OXCT1: variants seen among roughly 807,000 people sequenced by gnomAD.
The protein encoded by OXCT1 is succinyl-CoA:3-ketoacid coenzyme A transferase 1, mitochondrial.
OXCT1 carries 27 observed loss-of-function variants against 69.6 expected under a neutral mutation model. The ratio of observed to expected loss-of-function variants is 0.39; its 90% confidence interval spans 0.29 to 0.54. The LOEUF (loss-of-function observed/expected upper bound fraction) is 0.54. Among genes scored for constraint, OXCT1 ranks in the 20% least tolerant of loss-of-function variants. The probability of loss-of-function intolerance (pLI) is 0.72; values close to 1 mark genes in which losing one functional copy is unlikely to be tolerated. For missense variants in OXCT1, 437 were observed against 650.2 expected (o/e 0.67, Z 3.57); for synonymous variants, 202 against 217.8 (o/e 0.93, Z 0.64).
intron 1 of OXCT1, among the ~76,000 whole-genome samples, chr5:41,863,376 C>G (rs1749829367): frequency 1.3e-5 from 2 of 152,078 alleles, no homozygotes; most frequent in African/African-American, 4.8e-5. Flanking sequence ...TAACCATAGT[C>G]GCCATGGTGT....
rs1305997104 is a variant in OXCT1 at position 41,870,026 on chromosome 5, A to T, written c.78+255T>A. 1.9e-6 allele frequency: 1 copy of T among 525,090 alleles called. No homozygotes were observed. Among genetic ancestry groups the T allele is most frequent in the East Asian group, 3.4e-5 (1 of 29,496 alleles). The allele number at this position is 525,090 out of a possible 1,614,324, so 32.5% of individuals were successfully genotyped here. A position where few individuals can be genotyped will look rare whatever the true frequency, so the allele number is the denominator to read the frequency against. On this transcript the variant is annotated intron_variant, in intron 1 of 16. Coordinates refer to ENST00000196371, the MANE Select transcript of OXCT1 (RefSeq NM_000436.4). The surrounding 1 kb of genome is among the most constrained non-coding windows in gnomAD (Gnocchi z 4.2). ...GCCAGGAGTCCTCCCGCCCCTTCTC[A>T]GCCTCTCCGCGCGCTTCTTTATCGC... is the stretch of plus-strand genomic sequence containing the variant.
chr5:41,850,165 C>T lies in OXCT1; in HGVS notation c.429G>A (p.Glu143=). ...CTCCAGCCCCGCCTGCACGGATCCT[C>T]TCTGCAAGTGTGCCCTGCAAGTGAG... The part of the protein sequence containing the change: ...VELTPQGTLA[E]RIRAGGAGVP... Residue 143 remains glutamate (E), a synonymous_variant, in exon 5 of 17, where the codon GAG becomes GAA. Coordinates refer to ENST00000196371, the MANE Select transcript of OXCT1 (RefSeq NM_000436.4). 6.2e-7 allele frequency: 1 copy of T among 1,613,642 alleles called. No individual in the cohort carries two copies.
intron 7 of OXCT1, among the ~76,000 whole-genome samples, chr5:41,831,371 C>T (rs567176811): frequency 2.6e-5 from 4 of 152,220 alleles, no homozygotes; most frequent in South Asian, 2.1e-4. Flanking sequence ...GTCATCTCAC[C>T]GAGGCCTTTC....
At chr5:41,818,393 G>C (rs550564062) in intron 7 of OXCT1, among the ~76,000 whole-genome samples, 5 of 152,274 alleles carry the variant, frequency 3.3e-5, no homozygotes, top group African/African-American at 1.2e-4. Flanking sequence ...GGGTACACAG[G>C]AAATAAAAGC....
At chr5:41,848,393 A>C (rs1311653988) in intron 5 of OXCT1, among the ~76,000 whole-genome samples, 2 of 148,870 alleles carry the variant, frequency 1.3e-5, no homozygotes, top group Non-Finnish European at 3.0e-5. Context: ...ATCCCCATCA[A>C]GCTACCAATG....
chr5:41,843,516 T>C, intron 5 of OXCT1: 2 of 456,102 alleles, frequency 4.4e-6, no homozygotes, highest in South Asian at 1.5e-5. Flanking sequence ...TTTATGTTTA[T>C]TGCCTTTTAA....
At chr5:41,742,487 AT>A in intron 15 of OXCT1, among the ~76,000 whole-genome samples, 1 of 152,212 alleles carries the variant, frequency 6.6e-6, no homozygotes, top group African/African-American at 2.4e-5. Context: ...ATTTTACTTT[AT>A]TTTTTTATTA....
chr5:41,782,046 G>A (rs1271223088), intron 13 of OXCT1, among the ~76,000 whole-genome samples: 2 of 149,906 alleles, frequency 1.3e-5, no homozygotes, highest in Non-Finnish European at 3.0e-5. Context: ...TTCCAAAATG[G>A]TTGAATTAAT....
intron 4 of OXCT1, among the ~76,000 whole-genome samples, chr5:41,853,030 C>T (rs979622304): frequency 5.3e-5 from 8 of 151,836 alleles, no homozygotes; most frequent in African/African-American, 9.7e-5. Flanking sequence ...GAGATCACAC[C>T]GCCGCACTCC....
At chr5:41,814,641 C>T (rs13155013) in intron 7 of OXCT1, among the ~76,000 whole-genome samples, 27,847 of 147,522 alleles carry the variant, frequency 0.19, 2,754 homozygotes, top group Middle Eastern at 0.3. Context: ...AACCAAACAC[C>T]GCATATTCTC....
At chr5:41,799,867 T>A (rs1161529431) in intron 11 of OXCT1, among the ~76,000 whole-genome samples, 2 of 152,226 alleles carry the variant, frequency 1.3e-5, no homozygotes, top group African/African-American at 2.4e-5. Context: ...CAATTTTACT[T>A]GGCAGCTGGC....
chr5:41,868,968 G>T (rs1750140968), intron 1 of OXCT1, among the ~76,000 whole-genome samples: 1 of 152,190 alleles, frequency 6.6e-6, no homozygotes, highest in Admixed American at 6.5e-5. Context: ...TTACAGTTGG[G>T]CAAATCAGTA....
chr5:41,855,500 T>C (rs1749387596), intron 3 of OXCT1, among the ~76,000 whole-genome samples: 1 of 152,216 alleles, frequency 6.6e-6, no homozygotes, highest in Non-Finnish European at 1.5e-5. Flanking sequence ...GAAGTTTTTA[T>C]TTACAATCTC....
In OXCT1 at chr5:41,762,042, G is replaced by A. The variant is rs1303837590; in HGVS notation, c.1338+69C>T. 7.1e-6 allele frequency: 7 copies of A among 986,766 alleles called. No individual in the cohort carries two copies. In the East Asian group the frequency reaches 7.1e-5, roughly 10 times the overall value. 61.1% of individuals were successfully genotyped at this position (986,766 alleles called of 1,614,324 possible). On this transcript the variant is annotated intron_variant, in intron 14 of 16. Transcript: ENST00000196371. This position sits in a 1 kb window ranked among gnomAD's most constrained non-coding sequence, Gnocchi z 4.0. ...ATAAAATCCACAGTTAGGTGACCTG[G>A]TGGTACACTGGGTTTTGATGTATTG...
intron 7 of OXCT1, among the ~76,000 whole-genome samples, chr5:41,817,860 G>A (rs1014033495): frequency 1.3e-5 from 2 of 152,220 alleles, no homozygotes; most frequent in Non-Finnish European, 2.9e-5. Context: ...ACAGTAATAA[G>A]GAAGGCAGTT....
At position 41,747,689 on chromosome 5, in the gene OXCT1, G is replaced by A. The variant is rs1743564767; in HGVS notation, c.1419+1838C>T. Among the ~76,000 whole-genome samples the A allele has an allele frequency of 1.3e-5, 2 of 152,110 alleles. 1 individual carries two copies. The highest frequency in any genetic ancestry group is 4.1e-4 in the South Asian group (2 of 4,824). On this transcript the variant is annotated intron_variant, in intron 15 of 16. Transcript: ENST00000196371. Reference sequence around the variant, plus strand: ...AAGTCTCAAAAGAACATGGTCCAGGGAAGAATGGAATGTAGTTCACAGCAT... The same window carrying A: ...AAGTCTCAAAAGAACATGGTCCAGGAAAGAATGGAATGTAGTTCACAGCAT...
intron 3 of OXCT1, chr5:41,853,814 C>A (rs1002099376): frequency 1.9e-6 from 1 of 534,658 alleles, no homozygotes; most frequent in Non-Finnish European, 3.4e-6. Flanking sequence ...AGGTCTTGGG[C>A]AGTAAGGGAC....
At chr5:41,867,812 A>T (rs1750067745) in intron 1 of OXCT1, among the ~76,000 whole-genome samples, 1 of 152,248 alleles carries the variant, frequency 6.6e-6, no homozygotes, top group Admixed American at 6.5e-5. Flanking sequence ...GTAAAGTGTT[A>T]GTGGTACTCT....
chr5:41,750,135 G>GTTTTTTTTTTTTTTTTTTTTTTTTGTTT (rs1743699352), intron 14 of OXCT1, among the ~76,000 whole-genome samples: 1 of 73,924 alleles, frequency 1.4e-5, no homozygotes, highest in African/African-American at 5.4e-5. Context: ...GTGTTTTTTG[G>GTTTTTTTTTTTTTTTTTTTTTTTTGTTT]TTTTTTTTTT....
Sources: gnomAD v4.1 joint callset for allele counts (sites outside exome capture counted in the v4.1 genomes callset) on GRCh38, gnomAD v4.1.1 for gene constraint, Gnocchi (gnomAD v3.1) non-coding constraint, MANE v1.5 for transcripts, NCBI Gene and HGNC (gene_info 2026-07-23, HGNC 2026-07-21) for gene names.